CCSER1: variants seen among roughly 807,000 people sequenced by gnomAD.
CCSER1 encodes coiled-coil serine rich protein 1.
A neutral mutation model predicts 82.0 loss-of-function variants in CCSER1; 41 were observed. The observed-to-expected ratio is 0.50, with a 90% CI of 0.39 to 0.65. The LOEUF (loss-of-function observed/expected upper bound fraction) is 0.65. CCSER1 is among the 30% of genes least tolerant of loss of function. CCSER1 has a pLI of 0.00. For missense variants in CCSER1, 1,119 were observed against 1,064.2 expected (o/e 1.05, Z -0.72); for synonymous variants, 414 against 383.9 (o/e 1.08, Z -0.92).
intron 10 of CCSER1, among the ~76,000 whole-genome samples, chr4:91,317,481 A>G (rs1273983826): frequency 1.3e-5 from 2 of 151,964 alleles, no homozygotes; most frequent in Non-Finnish European, 2.9e-5. Flanking sequence ...ATATTATGGA[A>G]GGGTAGGGCT....
chr4:91,536,439 A>G (rs1156389105), intron 10 of CCSER1, among the ~76,000 whole-genome samples: 1 of 152,114 alleles, frequency 6.6e-6, no homozygotes, highest in Non-Finnish European at 1.5e-5. Context: ...TCTGTTTGCC[A>G]CTGTAGATCC....
At chr4:91,159,388 T>G (rs1472492081) in intron 10 of CCSER1, among the ~76,000 whole-genome samples, 1 of 151,928 alleles carries the variant, frequency 6.6e-6, no homozygotes, top group Non-Finnish European at 1.5e-5. Context: ...TCTCCTATAT[T>G]CTTGTCATAG....
intron 4 of CCSER1, among the ~76,000 whole-genome samples, chr4:90,420,945 G>A (rs1756590064): frequency 6.6e-6 from 1 of 152,098 alleles, no homozygotes; most frequent in Non-Finnish European, 1.5e-5. Flanking sequence ...ATTATGTGGT[G>A]ACATCTCCAT....
chr4:91,171,334 A>C (rs1173683971), intron 10 of CCSER1, among the ~76,000 whole-genome samples: 1 of 152,210 alleles, frequency 6.6e-6, no homozygotes, highest in Admixed American at 6.5e-5. Context: ...ATTGTTTGTT[A>C]TAAATAATTA....
intron 3 of CCSER1, among the ~76,000 whole-genome samples, chr4:90,350,764 A>G (rs909915709): frequency 1.3e-5 from 2 of 152,150 alleles, no homozygotes; most frequent in African/African-American, 4.8e-5. Context: ...ATCTTGAAGT[A>G]CACAAAAGGA....
At position 91,598,664 on chromosome 4, in the gene CCSER1, G is replaced by A. The variant is rs1764696255; in HGVS notation, c.2310G>A (p.Ser770=). Residue 770 remains serine, a synonymous_variant, in exon 11 of 11, where the codon TCG becomes TCA. Transcript: ENST00000509176. ...HTPTEDRFRY[S]AADQTSPYKN... ...CCACCGAGGACCGTTTTAGGTATTC[G>A]GCAGCGGACCAGACAAGCCCCTACA... is the stretch of plus-strand genomic sequence containing the variant. The A allele has an allele frequency of 2.6e-6, 4 of 1,551,142 alleles. No homozygotes were observed. The highest frequency in any genetic ancestry group is 2.6e-6 in the Non-Finnish European group (3 of 1,146,856).
At position 91,436,192 on chromosome 4, in the gene CCSER1, C is replaced by T. The variant is rs559594423; in HGVS notation, c.2218-162380C>T. ...ACCTAATAAGACTTTCTATTTTATG[C>T]CATCTTCCCTCTTACTTTCTGTGAT... On this transcript the variant is annotated intron_variant, in intron 10 of 10. Coordinates refer to ENST00000509176, the MANE Select transcript of CCSER1 (RefSeq NM_001145065.2). Among the ~76,000 whole-genome samples the T allele has an allele frequency of 3.3e-5, 5 of 152,268 alleles. No homozygotes were observed. In the East Asian group the frequency reaches 9.7e-4, roughly 29 times the overall value.
intron 8 of CCSER1, among the ~76,000 whole-genome samples, chr4:90,822,428 G>A (rs1384161276): frequency 6.6e-6 from 1 of 152,044 alleles, no homozygotes; most frequent in East Asian, 1.9e-4. Context: ...GTCTATTTCT[G>A]TAAAAACATA....
chr4:90,884,191 G>A (rs1238557859), intron 8 of CCSER1, among the ~76,000 whole-genome samples: 1 of 152,104 alleles, frequency 6.6e-6, no homozygotes, highest in African/African-American at 2.4e-5. Context: ...AGACCCACAA[G>A]TGATACTGAA....
intron 10 of CCSER1, among the ~76,000 whole-genome samples, chr4:91,438,210 C>A (rs1030898674): frequency 1.1e-4 from 17 of 152,186 alleles, no homozygotes; most frequent in Admixed American, 2.6e-4. Context: ...GACCCCTGAG[C>A]AGCCTAACTG....
chr4:91,555,480 G>C (rs1762356126), intron 10 of CCSER1, among the ~76,000 whole-genome samples: 1 of 150,864 alleles, frequency 6.6e-6, no homozygotes, highest in Non-Finnish European at 1.5e-5. Context: ...CAATCAACTA[G>C]CAGTACTCTG....
intron 10 of CCSER1, among the ~76,000 whole-genome samples, chr4:91,452,481 T>C (rs1359631046): frequency 1.3e-5 from 2 of 152,044 alleles, no homozygotes; most frequent in Non-Finnish European, 2.9e-5. Flanking sequence ...AACACTCATA[T>C]TGGTGTTGAC....
At chr4:91,160,213 A>T (rs538742524) in intron 10 of CCSER1, among the ~76,000 whole-genome samples, 1 of 152,168 alleles carries the variant, frequency 6.6e-6, no homozygotes, top group Non-Finnish European at 1.5e-5. Context: ...TGTCCCTACA[A>T]AGGACATGAA....
rs1381846941 is a variant in CCSER1 at position 91,360,277 on chromosome 4, CAT to C, written c.2218-238294_2218-238293del. Among the ~76,000 whole-genome samples the C allele has an allele frequency of 7.9e-5, 12 of 151,624 alleles. 1 individual carries two copies. The highest frequency in any genetic ancestry group is 1.8e-4 in the Non-Finnish European group (12 of 67,808). On this transcript the variant is annotated intron_variant, in intron 10 of 10. Transcript: ENST00000509176. ...TCTTCCAGATTTGTTCTGGTAAACA[CAT>C]GATTGCATAAAAATAATATGAAAAA... is the stretch of plus-strand genomic sequence containing the variant.
chr4:90,684,298 T>C (rs986737312), intron 6 of CCSER1, among the ~76,000 whole-genome samples: 1 of 152,200 alleles, frequency 6.6e-6, no homozygotes, highest in Admixed American at 6.5e-5. Flanking sequence ...TTCTTTGAGA[T>C]GTAATTATCT....
intron 10 of CCSER1, among the ~76,000 whole-genome samples, chr4:91,403,255 G>C (rs1423313930): frequency 2.6e-5 from 4 of 152,192 alleles, no homozygotes; most frequent in African/African-American, 9.7e-5. Context: ...TGTATCCTGA[G>C]ACTTTGCTGA....
At chr4:91,081,573 C>A (rs1277028528) in intron 9 of CCSER1, among the ~76,000 whole-genome samples, 6 of 152,064 alleles carry the variant, frequency 3.9e-5, no homozygotes, top group Middle Eastern at 3.4e-3. Context: ...GGCAATCAGG[C>A]AAGAGAAAGA....
intron 10 of CCSER1, among the ~76,000 whole-genome samples, chr4:91,377,758 A>G (rs1314133624): frequency 6.6e-6 from 1 of 151,970 alleles, no homozygotes; most frequent in Middle Eastern, 3.2e-3. Flanking sequence ...GTTTAATTAG[A>G]TCCCATCTGC....
chr4:90,712,917 T>C lies in CCSER1; in HGVS notation c.1933-10997T>C, dbSNP rs116193944. On this transcript the variant is annotated intron_variant, in intron 6 of 10. Coordinates refer to ENST00000509176, the MANE Select transcript of CCSER1 (RefSeq NM_001145065.2). ...GTCCTTCGTCTCTTTTTTTTTTTTT[T>C]AATCATTGTTGGTTTAAATTCTGTT... Among the ~76,000 whole-genome samples the C allele has an allele frequency of 3.9e-3, 589 of 149,242 alleles. 5 individuals carry two copies. The highest frequency in any genetic ancestry group is 0.014 in the African/African-American group (574 of 40,948).
Sources: allele counts gnomAD v4.1 joint callset (sites outside exome capture counted in the v4.1 genomes callset), GRCh38; gene constraint gnomAD v4.1.1; transcripts MANE v1.5; gene names NCBI Gene and HGNC (gene_info 2026-07-23, HGNC 2026-07-21).